Variants in PPCDC observed in about 807,000 individuals in gnomAD.
The protein encoded by PPCDC is phosphopantothenoylcysteine decarboxylase.
Under a neutral mutation model 20.7 loss-of-function variants are expected in PPCDC, and 20 were observed. The ratio of observed to expected loss-of-function variants is 0.97; its 90% CI spans 0.68 to 1.41. The LOEUF (loss-of-function observed/expected upper bound fraction) is 1.41, where lower values mean the gene tolerates loss of function less well. Ranked by LOEUF, PPCDC falls within the 40% of genes most tolerant of loss-of-function variation. The pLI is 0.00. For missense variants in PPCDC, 246 were observed against 263.8 expected, an observed-to-expected ratio of 0.93 and a Z score of 0.47; for synonymous variants, 88 against 100.3, an observed-to-expected ratio of 0.88 and a Z score of 0.73.
chr15:75,049,468 G>A lies in PPCDC; in HGVS notation c.*233G>A. On this transcript the variant is annotated 3_prime_UTR_variant, in exon 6 of 6. Transcript: ENST00000342932. ...TAGAGCCCCTCCCCACCTTTTCCTG[G>A]ATGGGTGAGGCAAGCCAGGAGAGCA... 3 of 542,302 alleles carry A rather than the reference G, an allele frequency of 5.5e-6. No individual in the cohort carries two copies. The highest frequency in any genetic ancestry group is 9.9e-6 in the Non-Finnish European group (3 of 301,932). The allele number at this position is 542,302 out of a possible 1,614,324, so 33.6% of individuals were successfully genotyped here. A position where few individuals can be genotyped will look rare whatever the true frequency, so the allele number is the denominator to read the frequency against.
At chr15:75,036,211 G>C (rs1182544106) in intron 2 of PPCDC, among the ~76,000 whole-genome samples, 1 of 152,194 alleles carries the variant, frequency 6.6e-6, no homozygotes, top group Middle Eastern at 3.4e-3. Context: ...ATGAGTAAAC[G>C]GTCAGAATTA....
At chr15:75,038,671 C>G (rs959348294) in intron 2 of PPCDC, among the ~76,000 whole-genome samples, 1 of 152,168 alleles carries the variant, frequency 6.6e-6, no homozygotes, top group Non-Finnish European at 1.5e-5. Context: ...GTGGGGTTGC[C>G]TTCTCCGACC....
At chr15:75,028,121 T>A (rs1364260604) in intron 1 of PPCDC, 126 bp from the exon 2 acceptor site, 1 of 636,106 alleles carries the variant, frequency 1.6e-6, no homozygotes, top group African/African-American at 1.8e-5. Flanking sequence ...AACTGTGTGC[T>A]CCCTGAAGCC....
chr15:75,047,361 C>T (rs1217811705), intron 4 of PPCDC, among the ~76,000 whole-genome samples: 1 of 152,200 alleles, frequency 6.6e-6, no homozygotes, highest in African/African-American at 2.4e-5. Flanking sequence ...CAGCCAGGTC[C>T]CAGGGCTGTT....
At position 75,043,423 on chromosome 15, in the gene PPCDC, C is replaced by G. The variant is rs180967228; in HGVS notation, c.136-18C>G. The G allele has an allele frequency of 1.6e-4, 252 of 1,601,442 alleles. 1 individual carries two copies. In the East Asian group the frequency reaches 5.6e-3, roughly 35 times the overall value. Reference sequence around the variant, plus strand: ...GTTTCTTCCTCCCTCCCCGCCACCCCCTTCTTCTTGGTGACAGCTGGAAGT... The same window carrying G: ...GTTTCTTCCTCCCTCCCCGCCACCCGCTTCTTCTTGGTGACAGCTGGAAGT... On this transcript the variant is annotated intron_variant, in intron 2 of 5. Transcript: ENST00000342932.
At position 75,050,650 on chromosome 15, in the gene PPCDC, C is replaced by G. The variant is rs1055200899; in HGVS notation, c.*1415C>G. On this transcript the variant is annotated 3_prime_UTR_variant, in exon 6 of 6. Coordinates refer to ENST00000342932, the MANE Select transcript of PPCDC (RefSeq NM_021823.5). ...GCAGCCTCCACAGCCTTTATCTCAACAGCACTTGACTTCACCAGGTGACCC... is the reference window on the plus strand; with the variant it reads ...GCAGCCTCCACAGCCTTTATCTCAAGAGCACTTGACTTCACCAGGTGACCC... 1.3e-5 allele frequency: 2 copies of G among 152,362 alleles called. No homozygotes were observed. Among genetic ancestry groups the G allele is most frequent in the Non-Finnish European group, 1.5e-5 (1 of 68,062 alleles). 9.4% of individuals were successfully genotyped at this position (152,362 alleles called of 1,614,324 possible).
chr15:75,030,841 C>T (rs1264511667), intron 2 of PPCDC, among the ~76,000 whole-genome samples: 1 of 152,148 alleles, frequency 6.6e-6, no homozygotes. Flanking sequence ...ATCACTGTTC[C>T]TGATTGACCA....
intron 1 of PPCDC, among the ~76,000 whole-genome samples, chr15:75,026,532 A>G (rs141618331): frequency 1.1e-4 from 16 of 152,350 alleles, no homozygotes; most frequent in African/African-American, 3.8e-4. Flanking sequence ...AATGCAGCCA[A>G]ACATGATCCT....
chr15:75,043,490 C>T lies in PPCDC; in HGVS notation c.185C>T (p.Pro62Leu). ...TTERAKHFYSPQDIPVTLYSD... is the reference protein window; with the variant it reads ...TTERAKHFYSLQDIPVTLYSD... The stretch of plus-strand genomic sequence containing the variant: ...GAGAGAGCCAAACATTTCTACAGCC[C>T]CCAGGACATTCCTGTCACCCTCTAC... The change falls in exon 3 of 6, where the codon CCC (proline) becomes CTC (leucine). Residue 62 changes from proline (P) to leucine (L), a missense_variant. By Grantham distance (98) the Pro-to-Leu change is moderately conservative. Around this residue, in one of 2 missense-constraint regions of PPCDC, gnomAD observed 225 missense variants for 222.6 expected, o/e 1.01. Transcript: ENST00000342932. 3 of 1,613,062 alleles carry T rather than the reference C, an allele frequency of 1.9e-6. No homozygotes were observed. Among genetic ancestry groups the T allele is most frequent in the Non-Finnish European group, 2.5e-6 (3 of 1,179,538 alleles).
At chr15:75,046,703 C>T (rs1160960719) in intron 4 of PPCDC, among the ~76,000 whole-genome samples, 2 of 152,394 alleles carry the variant, frequency 1.3e-5, no homozygotes, top group African/African-American at 2.4e-5. Flanking sequence ...TTTCTCCCTA[C>T]ATCCCTGAAA....
chr15:75,042,507 G>A (rs1275235499), intron 2 of PPCDC, among the ~76,000 whole-genome samples: 2 of 152,004 alleles, frequency 1.3e-5, no homozygotes, highest in East Asian at 1.9e-4. Context: ...ACAAAAATTA[G>A]CCAGGCGTGG....
At position 75,044,448 on chromosome 15, in the gene PPCDC, G is replaced by A. The variant is rs1272607979; in HGVS notation, c.294G>A (p.Leu98=). 5 of 1,614,062 alleles carry A rather than the reference G, an allele frequency of 3.1e-6. No individual in the cohort carries two copies. Among genetic ancestry groups the A allele is most frequent in the Non-Finnish European group, 4.2e-6 (5 of 1,180,022 alleles). The change falls in exon 4 of 6, where the codon CTG becomes CTA. Residue 98 remains leucine, a synonymous_variant. Coordinates refer to ENST00000342932, the MANE Select transcript of PPCDC (RefSeq NM_021823.5). Reference sequence around the variant, plus strand: ...ACCTGCGGAGGTGGGCAGACCTCCTGCTGGTGGCTCCTCTTGATGCCAACA... The same window carrying A: ...ACCTGCGGAGGTGGGCAGACCTCCTACTGGTGGCTCCTCTTGATGCCAACA... The part of the protein sequence containing the change: ...HIDLRRWADL[L]LVAPLDANTL...
intron 2 of PPCDC, among the ~76,000 whole-genome samples, chr15:75,038,685 G>A (rs2066114297): frequency 6.6e-6 from 1 of 152,156 alleles, no homozygotes; most frequent in African/African-American, 2.4e-5. Context: ...TCCGACCCCT[G>A]GAGGCAGAGT....
At chr15:75,029,801 G>A (rs558936894) in intron 2 of PPCDC, among the ~76,000 whole-genome samples, 48 of 152,306 alleles carry the variant, frequency 3.2e-4, no homozygotes, top group African/African-American at 1.2e-3. Flanking sequence ...CCTGGGGAGG[G>A]AGGGAGCCAT....
chr15:75,024,592 T>C (rs1404975690), intron 1 of PPCDC, among the ~76,000 whole-genome samples: 1 of 151,756 alleles, frequency 6.6e-6, no homozygotes, highest in Admixed American at 6.6e-5. Context: ...TGGCTCAAGC[T>C]ATCCTCCTTC....
intron 4 of PPCDC, among the ~76,000 whole-genome samples, chr15:75,045,523 G>T (rs1377935637): frequency 6.6e-6 from 1 of 152,164 alleles, no homozygotes; most frequent in East Asian, 1.9e-4. Context: ...AGTTTCATGT[G>T]GTGAAGAAGG....
chr15:75,033,518 TTTTTG>T (rs1370411202), intron 2 of PPCDC, among the ~76,000 whole-genome samples: 2 of 152,090 alleles, frequency 1.3e-5, no homozygotes, highest in Non-Finnish European at 2.9e-5. Context: ...TGTGTGTGTT[TTTTTG>T]TTTGTTTGTT....
intron 4 of PPCDC, among the ~76,000 whole-genome samples, chr15:75,046,911 G>A (rs189781475): frequency 1.3e-3 from 198 of 152,398 alleles, no homozygotes; most frequent in African/African-American, 4.6e-3. Flanking sequence ...CAATCTCTCT[G>A]GGTCACCAGT....
chr15:75,035,334 G>C (rs571388703), intron 2 of PPCDC, among the ~76,000 whole-genome samples: 3 of 152,176 alleles, frequency 2.0e-5, no homozygotes, highest in Non-Finnish European at 4.4e-5. Context: ...TGGCGGTGGA[G>C]ACTCAGGCCA....
Sources: gnomAD v4.1 joint callset for allele counts (sites outside exome capture counted in the v4.1 genomes callset) on GRCh38, gnomAD v4.1.1 for gene constraint, gnomAD v4.1.1 regional missense constraint, MANE v1.5 for transcripts, NCBI Gene and HGNC (gene_info 2026-07-23, HGNC 2026-07-21) for gene names.